Variants in NRXN1 observed in about 807,000 individuals in gnomAD.
The protein encoded by NRXN1 is neurexin-1.
Under a neutral mutation model 150.9 loss-of-function variants are expected in NRXN1, and 39 were observed. The observed-to-expected ratio is 0.26, with a 90% CI of 0.20 to 0.34. NRXN1 has a LOEUF of 0.34. NRXN1 is among the 10% of genes least tolerant of loss of function. The pLI is 1.00. For missense variants in NRXN1, 1,815 were observed against 1,949.9 expected, an observed-to-expected ratio of 0.93 and a Z score of 1.30; for synonymous variants, 924 against 757.0, an observed-to-expected ratio of 1.22 and a Z score of -3.62.
intron 17 of NRXN1, among the ~76,000 whole-genome samples, chr2:50,425,249 A>C (rs1572923019): frequency 6.6e-6 from 1 of 152,356 alleles, no homozygotes; most frequent in Non-Finnish European, 1.5e-5. Flanking sequence ...TAGGAAACTA[A>C]GACTTTATAC....
intron 17 of NRXN1, among the ~76,000 whole-genome samples, chr2:50,369,509 T>G (rs2079852109): frequency 6.6e-6 from 1 of 151,982 alleles, no homozygotes; most frequent in African/African-American, 2.4e-5. Flanking sequence ...CCCAAATAAT[T>G]TATAATGTGA....
intron 13 of NRXN1, 59 bp from the exon 14 acceptor site, chr2:50,497,773 G>C: frequency 6.7e-7 from 1 of 1,485,776 alleles, no homozygotes; most frequent in African/African-American, 1.4e-5. Context: ...TTCAACTTTA[G>C]GCTTTCATAA....
At chr2:50,425,134 A>G (rs2084377662) in intron 17 of NRXN1, among the ~76,000 whole-genome samples, 1 of 152,202 alleles carries the variant, frequency 6.6e-6, no homozygotes, top group Non-Finnish European at 1.5e-5. Context: ...TGAGCATGCA[A>G]CTGACTCCTG....
intron 17 of NRXN1, among the ~76,000 whole-genome samples, chr2:50,340,038 GA>G (rs1231799354): frequency 9.9e-5 from 15 of 152,248 alleles, no homozygotes; most frequent in South Asian, 6.2e-4. Flanking sequence ...TATTGTCATG[GA>G]AAAGCAAATG....
rs1421142647 is a variant in NRXN1, at chr2:49,921,934, G to A, written c.*10C>T. ...TATTTCTATACAAGTGTCCATTTAA[G>A]ATCTTGGGATCAGACATAATACTCT... On this transcript the variant is annotated 3_prime_UTR_variant, in exon 23 of 23. Coordinates refer to ENST00000401669, the MANE Select transcript of NRXN1 (RefSeq NM_001330078.2). 8.1e-6 allele frequency: 13 copies of A among 1,612,806 alleles called. No homozygotes were observed. The highest frequency in any genetic ancestry group is 1.1e-5 in the Non-Finnish European group (13 of 1,178,878).
intron 17 of NRXN1, among the ~76,000 whole-genome samples, chr2:50,357,511 T>A (rs1464286223): frequency 6.6e-6 from 1 of 151,888 alleles, no homozygotes; most frequent in East Asian, 1.9e-4. Flanking sequence ...TTTCTCCATG[T>A]TAGTCAGGCT....
chr2:50,202,147 A>G (rs2152834481), intron 18 of NRXN1, among the ~76,000 whole-genome samples: 1 of 152,302 alleles, frequency 6.6e-6, no homozygotes, highest in African/African-American at 2.4e-5. Flanking sequence ...ACCACAAACA[A>G]AGGGCTACAG....
intron 12 of NRXN1, among the ~76,000 whole-genome samples, chr2:50,520,585 G>A (rs2092758947): frequency 6.6e-6 from 1 of 151,768 alleles, no homozygotes; most frequent in Non-Finnish European, 1.5e-5. Context: ...TTCCATAATT[G>A]ATAACTCAAA....
rs533644642 is a variant in NRXN1 at position 50,708,150 on chromosome 2, T to C, written c.833-84535A>G. Among the ~76,000 whole-genome samples, 3 of 152,280 alleles carry C rather than the reference T, an allele frequency of 2.0e-5. No individual in the cohort carries two copies. The East Asian group carries it at 5.8e-4, about 29-fold the overall frequency. On this transcript the variant is annotated intron_variant, in intron 5 of 22. Transcript: ENST00000401669. ...CACTCAAGATTAGAACTGATATAAA[T>C]GAATCTGAAAGTTAAAGAACAATGG...
chr2:50,992,722 T>C (rs1698721739), intron 2 of NRXN1, among the ~76,000 whole-genome samples: 1 of 151,994 alleles, frequency 6.6e-6, no homozygotes, highest in African/African-American at 2.4e-5. Context: ...AGCAACTCCG[T>C]TTGTTTTCTT....
At chr2:50,559,448 C>A (rs1008785178) in intron 8 of NRXN1, among the ~76,000 whole-genome samples, 3 of 152,160 alleles carry the variant, frequency 2.0e-5, no homozygotes, top group African/African-American at 7.2e-5. Context: ...ATGGTAGGAT[C>A]AATCAAATGC....
chr2:51,022,578 C>T (rs1054394221), intron 2 of NRXN1, among the ~76,000 whole-genome samples: 3 of 152,076 alleles, frequency 2.0e-5, no homozygotes, highest in Admixed American at 6.6e-5. Context: ...TCCCAGAATG[C>T]TTCCTCTAGA....
chr2:50,803,444 C>A (rs1351805775), intron 5 of NRXN1, among the ~76,000 whole-genome samples: 9 of 152,148 alleles, frequency 5.9e-5, no homozygotes, highest in African/African-American at 7.2e-5. Context: ...CTCTCATAAT[C>A]TCTCTAGTAA....
chr2:50,853,323 A>G (rs1358306514), intron 5 of NRXN1, among the ~76,000 whole-genome samples: 1 of 152,114 alleles, frequency 6.6e-6, no homozygotes, highest in Non-Finnish European at 1.5e-5. Flanking sequence ...ACATGCTATA[A>G]TTGCTCAGAG....
At chr2:50,918,817 A>G in intron 5 of NRXN1, 1 of 255,578 alleles carries the variant, frequency 3.9e-6, no homozygotes. Context: ...TCCTAACAAC[A>G]ACATCATTGA....
intron 2 of NRXN1, among the ~76,000 whole-genome samples, chr2:51,006,441 T>C (rs1700733773): frequency 6.6e-6 from 1 of 151,856 alleles, no homozygotes; most frequent in Non-Finnish European, 1.5e-5. Context: ...ATATACCTAA[T>C]GCTAAATGAC....
chr2:50,354,586 T>TATATATATATATATATACAC (rs1273118975), intron 17 of NRXN1, among the ~76,000 whole-genome samples: 11 of 124,836 alleles, frequency 8.8e-5, no homozygotes, highest in African/African-American at 1.5e-4. Context: ...TATATATATA[T>TATATATATATATATATACAC]ACACACACAC....
intron 17 of NRXN1, among the ~76,000 whole-genome samples, chr2:50,308,211 A>G (rs1237030224): frequency 6.6e-6 from 1 of 152,194 alleles, no homozygotes; most frequent in Non-Finnish European, 1.5e-5. Context: ...CACTAGACTT[A>G]TCCTGAAAAA....
At chr2:49,959,212 GC>G (rs1675493794) in intron 21 of NRXN1, among the ~76,000 whole-genome samples, 2 of 152,112 alleles carry the variant, frequency 1.3e-5, no homozygotes, top group Non-Finnish European at 2.9e-5. Context: ...CAGAAGCCAA[GC>G]CTCCTTTTGT....
Sources: gnomAD v4.1 joint callset for allele counts (sites outside exome capture counted in the v4.1 genomes callset) on GRCh38, gnomAD v4.1.1 for gene constraint, MANE v1.5 for transcripts, NCBI Gene and HGNC (gene_info 2026-07-23, HGNC 2026-07-21) for gene names.